Variants in WDFY4 observed in about 807,000 individuals in gnomAD.
The protein encoded by WDFY4 is WD repeat- and FYVE domain-containing protein 4.
In WDFY4, 169 loss-of-function variants were observed where a neutral mutation model predicts 351.9. That is an observed-to-expected ratio of 0.48 (90% CI 0.42 to 0.55). The LOEUF is 0.55. WDFY4 is among the 20% of genes least tolerant of loss of function. The probability of loss-of-function intolerance (pLI) is 0.00; values close to 1 mark genes in which losing one functional copy is unlikely to be tolerated. For synonymous variants in WDFY4, 1,622 were observed against 1,574.6 expected (o/e 1.03, Z -0.71); for missense variants, 3,803 against 3,935.6 (o/e 0.97, Z 0.90).
At chr10:48,753,176 C>T (rs558130120) in intron 12 of WDFY4, among the ~76,000 whole-genome samples, 15 of 151,990 alleles carry the variant, frequency 9.9e-5, no homozygotes, top group Non-Finnish European at 1.9e-4. Flanking sequence ...TTGGGGGAAA[C>T]GTCTATTCAA....
At chr10:48,791,794 T>G (rs2066691058) in intron 23 of WDFY4, among the ~76,000 whole-genome samples, 1 of 152,156 alleles carries the variant, frequency 6.6e-6, no homozygotes, top group Non-Finnish European at 1.5e-5. Context: ...AAGCCTCCTG[T>G]GTCTCTCGCT....
At chr10:48,918,134 G>A (rs998551106) in intron 47 of WDFY4, among the ~76,000 whole-genome samples, 3 of 152,058 alleles carry the variant, frequency 2.0e-5, no homozygotes, top group Non-Finnish European at 2.9e-5. Context: ...GAATAAAACA[G>A]TTTAAAAATT....
In WDFY4 at chr10:48,706,171, A is replaced by G. The variant is rs192756105; in HGVS notation, c.-17-3545A>G. 6.6e-3 allele frequency among the ~76,000 whole-genome samples: 1,009 copies of G among 152,356 alleles called. 10 individuals carry two copies. The highest frequency in any genetic ancestry group is 0.023 in the African/African-American group (964 of 41,580). On this transcript the variant is annotated intron_variant, in intron 1 of 61. Coordinates refer to ENST00000325239, the MANE Select transcript of WDFY4 (RefSeq NM_001394531.1). ...AGATTGAGATTTGGGTGCCATCAGC[A>G]CGTAGGTTAATTCGTTCACGGATTC...
chr10:48,904,308 G>A (rs1345271222), intron 47 of WDFY4, among the ~76,000 whole-genome samples: 6 of 152,188 alleles, frequency 3.9e-5, no homozygotes, highest in African/African-American at 1.4e-4. Context: ...CAACAGGATA[G>A]TCCTAATTGT....
At chr10:48,824,709 A>T (rs550334876) in intron 35 of WDFY4, among the ~76,000 whole-genome samples, 7 of 152,162 alleles carry the variant, frequency 4.6e-5, no homozygotes, top group Non-Finnish European at 8.8e-5. Flanking sequence ...GATGGAGTGC[A>T]GTTCACCTCA....
In WDFY4 at chr10:48,978,337, CT is replaced by C. The variant is rs1344755280; in HGVS notation, c.9321del (p.Val3108PhefsTer28). The C allele has an allele frequency of 6.4e-7, 1 of 1,551,518 alleles. No individual in the cohort carries two copies. The highest frequency in any genetic ancestry group is 8.7e-7 in the Non-Finnish European group (1 of 1,146,894). ...RVWKTEDVKM[S>X]VPGRPAGEEP... ...TGGAAGACTGAGGATGTGAAGATGT[CT>C]GTTCCTGGACGGCCAGCAGGAGAGG... On this transcript the variant is annotated frameshift_variant, in exon 60 of 62. Coordinates refer to ENST00000325239, the MANE Select transcript of WDFY4 (RefSeq NM_001394531.1). LOFTEE classifies it high-confidence loss of function.
intron 25 of WDFY4, among the ~76,000 whole-genome samples, chr10:48,804,292 A>G (rs1249660178): frequency 3.3e-5 from 5 of 152,222 alleles, no homozygotes; most frequent in African/African-American, 4.8e-5. Flanking sequence ...ATGAACATCT[A>G]TTATAAACTT....
intron 43 of WDFY4, 121 bp from the exon 44 acceptor site, chr10:48,890,458 C>T (rs930714163): frequency 1.6e-6 from 2 of 1,216,974 alleles, no homozygotes; most frequent in South Asian, 1.5e-5. Flanking sequence ...GCCATTCATA[C>T]AAGGCACTGC....
rs1376958662 is a variant in WDFY4 at position 48,823,197 on chromosome 10, C to T, written c.5982+660C>T. The T allele has an allele frequency of 3.1e-6, 4 of 1,302,630 alleles. No individual in the cohort carries two copies. The African/African-American group carries it at 6.1e-5, about 20-fold the overall frequency. 80.7% of individuals were successfully genotyped at this position (1,302,630 alleles called of 1,614,324 possible). On this transcript the variant is annotated intron_variant, in intron 35 of 61. Coordinates refer to ENST00000325239, the MANE Select transcript of WDFY4 (RefSeq NM_001394531.1). ...TTTTTTTTAGATCTCAGCCCCATTACAAGCTAGAGACTTTTCCTGACAAGC... is the reference window on the plus strand; with the variant it reads ...TTTTTTTTAGATCTCAGCCCCATTATAAGCTAGAGACTTTTCCTGACAAGC...
At chr10:48,704,488 C>T (rs1404398884) in intron 1 of WDFY4, among the ~76,000 whole-genome samples, 1 of 152,216 alleles carries the variant, frequency 6.6e-6, no homozygotes, top group East Asian at 1.9e-4. Flanking sequence ...CTCCCTGCAG[C>T]CTCCTGGCCT....
At chr10:48,755,213 A>C (rs1379050898) in intron 12 of WDFY4, among the ~76,000 whole-genome samples, 3 of 152,152 alleles carry the variant, frequency 2.0e-5, no homozygotes, top group African/African-American at 7.2e-5. Context: ...GCTCAGCATA[A>C]GGCCTTTCAG....
At chr10:48,881,031 CT>C (rs2070226954) in intron 43 of WDFY4, among the ~76,000 whole-genome samples, 1 of 152,216 alleles carries the variant, frequency 6.6e-6, no homozygotes, top group Admixed American at 6.5e-5. Flanking sequence ...AGCCTCCTTT[CT>C]GTTATCTTTA....
chr10:48,887,901 A>G (rs918565145), intron 43 of WDFY4, among the ~76,000 whole-genome samples: 1 of 152,262 alleles, frequency 6.6e-6, no homozygotes, highest in African/African-American at 2.4e-5. Flanking sequence ...TGAATCAAAA[A>G]AGGACTGACT....
At chr10:48,938,256 C>T (rs569970193) in intron 47 of WDFY4, among the ~76,000 whole-genome samples, 3 of 152,372 alleles carry the variant, frequency 2.0e-5, no homozygotes, top group Admixed American at 2.0e-4. Context: ...TCTGCATTAG[C>T]TCGGGGTCCC....
chr10:48,916,489 G>A (rs559752657), intron 47 of WDFY4, among the ~76,000 whole-genome samples: 10 of 152,172 alleles, frequency 6.6e-5, no homozygotes, highest in Non-Finnish European at 1.5e-4. Flanking sequence ...CATTGTCTTT[G>A]ACCAAACTGT....
In WDFY4 at chr10:48,948,422, A is replaced by G. The variant is rs111776905; in HGVS notation, c.7977+1453A>G. Among the ~76,000 whole-genome samples the G allele has an allele frequency of 5.5e-3, 834 of 152,308 alleles. 15 individuals carry two copies. The highest frequency in any genetic ancestry group is 0.019 in the African/African-American group (788 of 41,574). The stretch of plus-strand genomic sequence containing the variant: ...GACGATGATAGTGATGGATTCCGCC[A>G]CTGGTTTCTATCCTGGGAATTTAAG... On this transcript the variant is annotated intron_variant, in intron 51 of 61. Transcript: ENST00000325239.
chr10:48,728,685 C>A (rs554341361), intron 7 of WDFY4, among the ~76,000 whole-genome samples: 2 of 152,236 alleles, frequency 1.3e-5, no homozygotes, highest in Non-Finnish European at 2.9e-5. Context: ...GTGTAAATGC[C>A]CCTCTGGGCA....
intron 44 of WDFY4, among the ~76,000 whole-genome samples, chr10:48,897,131 C>T (rs1050514759): frequency 6.6e-6 from 1 of 152,204 alleles, no homozygotes; most frequent in African/African-American, 2.4e-5. Flanking sequence ...GACCCTCATA[C>T]CCTTTGTCAG....
Position 48,705,977 on chromosome 10 carries a change from G to A in WDFY4, c.-17-3739G>A, listed in dbSNP as rs1163708462. Among the ~76,000 whole-genome samples, 8 of 152,208 alleles carry A rather than the reference G, an allele frequency of 5.3e-5. 1 individual carries two copies. Among genetic ancestry groups the A allele is most frequent in the Non-Finnish European group, 1.0e-4 (7 of 68,040 alleles). On this transcript the variant is annotated intron_variant, in intron 1 of 61. Transcript: ENST00000325239. ...CACAGAATGAACTTTATATGGTAGA[G>A]ACAACACTAAGCTTGCTGTTACCAT... is the stretch of plus-strand genomic sequence containing the variant.
Sources: allele counts gnomAD v4.1 joint callset (sites outside exome capture counted in the v4.1 genomes callset), GRCh38; gene constraint gnomAD v4.1.1; transcripts MANE v1.5; gene names NCBI Gene and HGNC (gene_info 2026-07-23, HGNC 2026-07-21).